GALNT13: variants seen among roughly 807,000 people sequenced by gnomAD.
GALNT13 encodes UDP-GalNAc:polypeptide N-acetylgalactosaminyltransferase 13.
A neutral mutation model predicts 64.2 loss-of-function variants in GALNT13; 28 were observed. The ratio of observed to expected loss-of-function variants is 0.44; its 90% CI spans 0.32 to 0.60. GALNT13 has a LOEUF of 0.60. Ranked by LOEUF, GALNT13 falls within the 20% of genes least tolerant of loss-of-function variation. The pLI, the probability that GALNT13 is intolerant of heterozygous loss-of-function variation, is 0.05. For synonymous variants in GALNT13, 214 were observed against 224.6 expected (o/e 0.95, Z 0.42); for missense variants, 577 against 669.8 (o/e 0.86, Z 1.53).
chr2:153,216,908 T>C, the GALNT13 span, among the ~76,000 whole-genome samples: 3 of 152,154 alleles, frequency 2.0e-5, 1 homozygote, highest in African/African-American at 7.2e-5. Context: ...CCTTAAATTT[T>C]CTTATAGAAA....
At chr2:154,277,002 T>C (rs1691686462) in intron 8 of GALNT13, among the ~76,000 whole-genome samples, 2 of 152,178 alleles carry the variant, frequency 1.3e-5, no homozygotes, top group Non-Finnish European at 2.9e-5. Context: ...TACCCAGTCT[T>C]GGGCATGTCT....
intron 4 of GALNT13, among the ~76,000 whole-genome samples, chr2:154,233,056 AAG>A (rs1689011763): frequency 6.6e-6 from 1 of 150,806 alleles, no homozygotes; most frequent in Non-Finnish European, 1.5e-5. Flanking sequence ...AAAAAAAAAA[AAG>A]AAAAAGAAAA....
chr2:153,759,808 C>A, the GALNT13 span, among the ~76,000 whole-genome samples: 1 of 151,652 alleles, frequency 6.6e-6, no homozygotes, highest in Admixed American at 6.6e-5. Flanking sequence ...GCTTTGGTAC[C>A]AGGATGATTC....
intron 3 of GALNT13, among the ~76,000 whole-genome samples, chr2:153,986,237 A>T (rs72866851): frequency 0.14 from 20,763 of 151,992 alleles, 1,712 homozygotes; most frequent in African/African-American, 0.23. Context: ...GAAGAATCTC[A>T]TGTAGAAAAG....
At chr2:153,389,138 C>T in the GALNT13 span, among the ~76,000 whole-genome samples, 1 of 152,084 alleles carries the variant, frequency 6.6e-6, no homozygotes, top group Non-Finnish European at 1.5e-5. Context: ...TTTGCTAATA[C>T]TTGCATAAGA....
chr2:153,323,427 C>T, the GALNT13 span, among the ~76,000 whole-genome samples: 1 of 152,010 alleles, frequency 6.6e-6, no homozygotes, highest in Non-Finnish European at 1.5e-5. Context: ...ATTTTTCTCC[C>T]ATTCTGTAGG....
At chr2:153,757,827 G>T in the GALNT13 span, among the ~76,000 whole-genome samples, 1 of 151,928 alleles carries the variant, frequency 6.6e-6, no homozygotes, top group Non-Finnish European at 1.5e-5. Context: ...TTTTAAATCA[G>T]GTTATTTGTT....
At chr2:154,256,326 T>TTC (rs1690372659) in intron 7 of GALNT13, among the ~76,000 whole-genome samples, 1 of 151,962 alleles carries the variant, frequency 6.6e-6, no homozygotes, top group African/African-American at 2.4e-5. Context: ...CCTAAGCTAG[T>TTC]GTTTTGCTGA....
At chr2:153,638,258 A>G in the GALNT13 span, among the ~76,000 whole-genome samples, 2 of 152,140 alleles carry the variant, frequency 1.3e-5, no homozygotes, top group Non-Finnish European at 2.9e-5. Context: ...AGGAAGGCAA[A>G]TCACTGGAGG....
chr2:153,880,548 C>T (rs1358734074), intron 1 of GALNT13, among the ~76,000 whole-genome samples: 1 of 152,102 alleles, frequency 6.6e-6, no homozygotes, highest in African/African-American at 2.4e-5. Flanking sequence ...TATGGGGTTA[C>T]TGACTATTCT....
At chr2:153,394,040 G>A in the GALNT13 span, among the ~76,000 whole-genome samples, 55 of 151,496 alleles carry the variant, frequency 3.6e-4, no homozygotes, top group Non-Finnish European at 4.4e-4. Context: ...TATAGGCCAC[G>A]TGACTTGTGT....
chr2:153,337,263 G>A, the GALNT13 span, among the ~76,000 whole-genome samples: 1 of 152,276 alleles, frequency 6.6e-6, no homozygotes, highest in African/African-American at 2.4e-5. Flanking sequence ...AGTTTACTTA[G>A]AATCAGTGGG....
chr2:153,209,979 T>C, the GALNT13 span, among the ~76,000 whole-genome samples: 1 of 152,132 alleles, frequency 6.6e-6, no homozygotes, highest in Non-Finnish European at 1.5e-5. Context: ...TTTTAGTATA[T>C]AATTATATTT....
At chr2:153,963,729 CTCTGTGTGTGTGTGTGTGTG>C (rs1166766857) in intron 3 of GALNT13, among the ~76,000 whole-genome samples, 77 of 117,240 alleles carry the variant, frequency 6.6e-4, no homozygotes, top group Middle Eastern at 9.3e-3. Flanking sequence ...CTCTCTCTCT[CTCTGTGTGTGTGTGTGTGTG>C]TGTGTGTGTG....
At chr2:154,311,897 C>T (rs1694062857) in intron 9 of GALNT13, among the ~76,000 whole-genome samples, 1 of 152,210 alleles carries the variant, frequency 6.6e-6, no homozygotes, top group Non-Finnish European at 1.5e-5. Flanking sequence ...TTCTGCCGGG[C>T]TCACCAGGCG....
At chr2:153,689,612 G>A in the GALNT13 span, among the ~76,000 whole-genome samples, 2 of 152,010 alleles carry the variant, frequency 1.3e-5, no homozygotes, top group Non-Finnish European at 2.9e-5. Flanking sequence ...TGTTTGTGGT[G>A]TCAGGTAGTT....
At chr2:153,515,696 A>C in the GALNT13 span, among the ~76,000 whole-genome samples, 1 of 152,194 alleles carries the variant, frequency 6.6e-6, no homozygotes, top group Admixed American at 6.5e-5. Context: ...TACCCAGTGC[A>C]GTTTACGGGA....
chr2:153,367,738 AT>A, the GALNT13 span, among the ~76,000 whole-genome samples: 1 of 151,972 alleles, frequency 6.6e-6, no homozygotes, highest in African/African-American at 2.4e-5. Context: ...GTTTGTGGTA[AT>A]TTTTTTACAG....
the GALNT13 span, among the ~76,000 whole-genome samples, chr2:153,483,564 G>A: frequency 6.6e-6 from 1 of 151,988 alleles, no homozygotes; most frequent in Non-Finnish European, 1.5e-5. Flanking sequence ...TTACAGGTAT[G>A]AGGCACCATG....
Sources: gnomAD v4.1 joint callset for allele counts (sites outside exome capture counted in the v4.1 genomes callset) on GRCh38, gnomAD v4.1.1 for gene constraint, MANE v1.5 for transcripts, NCBI Gene and HGNC (gene_info 2026-07-23, HGNC 2026-07-21) for gene names.